Variants in CCNB1IP1 observed in about 807,000 individuals in gnomAD.
CCNB1IP1 encodes E3 ubiquitin-protein ligase CCNB1IP1.
A neutral mutation model predicts 25.6 loss-of-function variants in CCNB1IP1; 14 were observed. The observed-to-expected ratio is 0.55, with a 90% CI of 0.36 to 0.85. The LOEUF (loss-of-function observed/expected upper bound fraction) is 0.85, where lower values mean the gene tolerates loss of function less well. Among genes scored for constraint, CCNB1IP1 ranks in the 40% least tolerant of loss-of-function variants. The pLI, the probability that CCNB1IP1 is intolerant of heterozygous loss-of-function variation, is 0.01. For missense variants in CCNB1IP1, 278 were observed against 342.4 expected, an observed-to-expected ratio of 0.81 and a Z score of 1.48; for synonymous variants, 119 against 116.1, an observed-to-expected ratio of 1.02 and a Z score of -0.16.
chr14:20,319,783 A>G (rs539670660), intron 4 of CCNB1IP1, among the ~76,000 whole-genome samples: 4 of 152,264 alleles, frequency 2.6e-5, no homozygotes, highest in Non-Finnish European at 4.4e-5. Context: ...CTGGGTTAGT[A>G]TATCAGCAAC....
chr14:20,316,847 C>T (rs1461702007), intron 4 of CCNB1IP1, among the ~76,000 whole-genome samples: 1 of 152,184 alleles, frequency 6.6e-6, no homozygotes, highest in Non-Finnish European at 1.5e-5. Flanking sequence ...GTGGCTCAAG[C>T]GTACAATCCC....
chr14:20,321,403 C>T (rs1222652032), intron 4 of CCNB1IP1, among the ~76,000 whole-genome samples: 1 of 151,976 alleles, frequency 6.6e-6, no homozygotes, highest in Admixed American at 6.6e-5. Flanking sequence ...TGTTTTTAGA[C>T]AAACTACTGA....
At chr14:20,323,061 A>C (rs1330553468) in intron 4 of CCNB1IP1, 1 of 152,210 alleles carries the variant, frequency 6.6e-6, no homozygotes, top group Admixed American at 6.5e-5. Flanking sequence ...GCTTTATTTC[A>C]CAGCACCAGA....
intron 1 of CCNB1IP1, among the ~76,000 whole-genome samples, chr14:20,331,888 T>C (rs894035989): frequency 1.3e-4 from 19 of 148,136 alleles, no homozygotes; most frequent in African/African-American, 4.0e-4. Context: ...AACACTGTTA[T>C]GAGGGAGAGG....
chr14:20,330,175 T>C (rs1883192470), intron 1 of CCNB1IP1, among the ~76,000 whole-genome samples: 1 of 151,478 alleles, frequency 6.6e-6, no homozygotes, highest in African/African-American at 2.4e-5. Flanking sequence ...GGGGCCATTA[T>C]CCTAAACGAA....
intron 2 of CCNB1IP1, among the ~76,000 whole-genome samples, chr14:20,327,265 C>CT (rs559679085): frequency 2.4e-4 from 37 of 151,990 alleles, no homozygotes; most frequent in Non-Finnish European, 4.6e-4. Context: ...GAGTCAAGAA[C>CT]TTTTAAGATT....
chr14:20,314,684 G>A (rs934688739), intron 5 of CCNB1IP1: 1 of 152,164 alleles, frequency 6.6e-6, no homozygotes, highest in African/African-American at 2.4e-5. Flanking sequence ...CACAGATCAG[G>A]AGAGTATATT....
chr14:20,311,647 G>A lies in CCNB1IP1; in HGVS notation c.737C>T (p.Pro246Leu). 2 of 1,614,112 alleles carry A rather than the reference G, an allele frequency of 1.2e-6. No individual in the cohort carries two copies. The highest frequency in any genetic ancestry group is 1.1e-5 in the South Asian group (1 of 91,078). ...ACTAAAAAAGCTGTTGCTGGGTTCA[G>A]GTGCTGTGGGAGAACCCGCAAAAAA... Reference protein sequence around the residue: ...RPFFAGSPTAPEPSNSFFSFV... With the variant: ...RPFFAGSPTALEPSNSFFSFV... The change falls in exon 7 of 7, where the codon CCT (proline) becomes CTT (leucine). Residue 246 changes from proline (P) to leucine (L), a missense_variant. By Grantham distance (98) the Pro-to-Leu change is moderately conservative (BLOSUM62 -3). Transcript: ENST00000358932.
chr14:20,329,776 A>G (rs1302057895), intron 1 of CCNB1IP1, among the ~76,000 whole-genome samples: 1 of 152,176 alleles, frequency 6.6e-6, no homozygotes, highest in East Asian at 1.9e-4. Context: ...TTTCCATCAT[A>G]GCTGCACTAA....
intron 4 of CCNB1IP1, chr14:20,317,532 G>A (rs1022657266): frequency 6.6e-6 from 1 of 152,292 alleles, no homozygotes; most frequent in African/African-American, 2.4e-5. Context: ...AGATTAAGAG[G>A]CCTATTTTAC....
chr14:20,311,585 C>G lies in CCNB1IP1; in HGVS notation c.799G>C (p.Val267Leu). Reference protein sequence around the residue: ...SPSRELEQQQVSSRAFKVKRI With the variant: ...SPSRELEQQQLSSRAFKVKRI ...TTTACTTTGAAGGCCCTGCTAGAAA[C>G]TTGCTGCTGCTCTAATTCACGACTT... The change falls in exon 7 of 7, where the codon GTT becomes CTT. Residue 267 changes from valine (V) to leucine (L), a missense_variant. Coordinates refer to ENST00000358932, the MANE Select transcript of CCNB1IP1 (RefSeq NM_021178.5). 1 of 1,613,902 alleles carries G rather than the reference C, an allele frequency of 6.2e-7. No homozygotes were observed. Among genetic ancestry groups the G allele is most frequent in the Non-Finnish European group, 8.5e-7 (1 of 1,180,014 alleles).
At chr14:20,312,153 TAA>T (rs1361131875) in intron 6 of CCNB1IP1, among the ~76,000 whole-genome samples, 1 of 152,010 alleles carries the variant, frequency 6.6e-6, no homozygotes, top group African/African-American at 2.4e-5. Flanking sequence ...CAGCAGGACA[TAA>T]AAAGGTTAAC....
chr14:20,324,266 A>C (rs1882994024), intron 4 of CCNB1IP1, among the ~76,000 whole-genome samples: 1 of 152,170 alleles, frequency 6.6e-6, no homozygotes, highest in African/African-American at 2.4e-5. Context: ...AGCTCACCAC[A>C]ACCTCTGCCT....
rs1041236190 is a variant in CCNB1IP1, at chr14:20,324,375, C to T, written c.-38+1164G>A. The stretch of plus-strand genomic sequence containing the variant: ...CTAATTTTTGTATTTTTGGTAGAAA[C>T]GAGGTTTCACCATGTTAGCCAGGCT... On this transcript the variant is annotated intron_variant, in intron 4 of 6. Transcript: ENST00000358932. 2.0e-4 allele frequency among the ~76,000 whole-genome samples: 30 copies of T among 152,076 alleles called. 2 individuals carry two copies. The highest frequency in any genetic ancestry group is 3.9e-4 in the Admixed American group (6 of 15,266).
At chr14:20,328,305 G>A (rs1386448066) in intron 2 of CCNB1IP1, among the ~76,000 whole-genome samples, 1 of 152,136 alleles carries the variant, frequency 6.6e-6, no homozygotes, top group Non-Finnish European at 1.5e-5. Flanking sequence ...AGAGCTAAAG[G>A]TTTGCTTTAA....
chr14:20,321,652 C>T (rs999060443), intron 4 of CCNB1IP1, among the ~76,000 whole-genome samples: 1 of 152,122 alleles, frequency 6.6e-6, no homozygotes, highest in African/African-American at 2.4e-5. Context: ...GGGGTTTCAC[C>T]ATCTTGGCCA....
chr14:20,324,624 C>T (rs1417579700), intron 4 of CCNB1IP1, among the ~76,000 whole-genome samples: 1 of 152,160 alleles, frequency 6.6e-6, no homozygotes, highest in Non-Finnish European at 1.5e-5. Flanking sequence ...GCTTTACCCA[C>T]ACCCTTACTA....
intron 4 of CCNB1IP1, among the ~76,000 whole-genome samples, chr14:20,323,724 C>T (rs367819007): frequency 6.6e-6 from 1 of 151,492 alleles, no homozygotes; most frequent in South Asian, 2.1e-4. Context: ...GTCAGAAGAT[C>T]GAGACCACGG....
chr14:20,329,131 G>A (rs189307479), intron 2 of CCNB1IP1, 43 bp downstream of exon 2: 147 of 152,298 alleles, frequency 9.7e-4, no homozygotes, highest in African/African-American at 3.4e-3. Context: ...ATGGTAACTC[G>A]AATCTCTAAG....
Sources: allele counts gnomAD v4.1 joint callset (sites outside exome capture counted in the v4.1 genomes callset), GRCh38; gene constraint gnomAD v4.1.1; transcripts MANE v1.5; gene names NCBI Gene and HGNC (gene_info 2026-07-23, HGNC 2026-07-21).